RGS8: variants seen among roughly 807,000 people sequenced by gnomAD.
RGS8 encodes regulator of G protein signaling 8, also known as regulator of G-protein signaling 8.
Under a neutral mutation model 21.7 loss-of-function variants are expected in RGS8, and 8 were observed. The ratio of observed to expected loss-of-function variants is 0.37; its 90% confidence interval spans 0.22 to 0.66. The LOEUF (loss-of-function observed/expected upper bound fraction) is 0.66. Among genes scored for constraint, RGS8 ranks in the 30% least tolerant of loss-of-function variants. RGS8 has a pLI of 0.59. For missense variants in RGS8, 157 were observed against 217.9 expected (o/e 0.72, Z 1.76); for synonymous variants, 80 against 83.6 (o/e 0.96, Z 0.24).
intron 5 of RGS8, among the ~76,000 whole-genome samples, chr1:182,660,577 C>T (rs976913894): frequency 2.0e-5 from 3 of 151,324 alleles, no homozygotes; most frequent in African/African-American, 4.9e-5. Flanking sequence ...GTGGAACCCT[C>T]CTCCCTACAT....
chr1:182,659,400 G>A (rs995812784), intron 5 of RGS8, among the ~76,000 whole-genome samples: 4 of 152,202 alleles, frequency 2.6e-5, no homozygotes, highest in Admixed American at 2.6e-4. Context: ...TAATACAGGA[G>A]AAGTATTATA....
the RGS8 span, among the ~76,000 whole-genome samples, chr1:182,741,180 G>C: frequency 2.7e-5 from 4 of 147,686 alleles, no homozygotes; most frequent in Non-Finnish European, 4.5e-5. Context: ...GGCCGGGTGG[G>C]GGGCTGACCC....
the RGS8 span, among the ~76,000 whole-genome samples, chr1:182,721,822 G>A: frequency 1.8e-3 from 268 of 152,316 alleles, no homozygotes; most frequent in Non-Finnish European, 2.7e-3. Flanking sequence ...GAGAAATGAA[G>A]TTTGAAGCCT....
chr1:182,708,344 C>T, the RGS8 span, among the ~76,000 whole-genome samples: 3 of 152,182 alleles, frequency 2.0e-5, no homozygotes, highest in East Asian at 5.8e-4. Context: ...GGAAAGGAAG[C>T]CCCCGCTGGC....
chr1:182,669,283 C>A (rs1571342453), intron 3 of RGS8, among the ~76,000 whole-genome samples: 1 of 152,226 alleles, frequency 6.6e-6, no homozygotes, highest in South Asian at 2.1e-4. Context: ...TCATCTTTCT[C>A]CTTTCTACAG....
chr1:182,707,573 A>T, the RGS8 span, among the ~76,000 whole-genome samples: 7 of 152,206 alleles, frequency 4.6e-5, no homozygotes, highest in Admixed American at 4.6e-4. Context: ...TTGGGGCCAG[A>T]TGATCTTTAT....
the RGS8 span, among the ~76,000 whole-genome samples, chr1:182,712,285 C>G: frequency 6.6e-6 from 1 of 152,168 alleles, no homozygotes; most frequent in Non-Finnish European, 1.5e-5. Flanking sequence ...TAAAGCTTCT[C>G]AGGCATTCAG....
chr1:182,671,728 G>T (rs969602990), exon 2 of RGS8: 1 of 1,614,134 alleles, frequency 6.2e-7, no homozygotes, highest in Non-Finnish European at 8.5e-7. Context: ...GGGTTAAGGT[G>T]TTCTGGGGAA....
At chr1:182,683,591 T>C (rs1268451992) in intron 1 of RGS8, among the ~76,000 whole-genome samples, 1 of 125,926 alleles carries the variant, frequency 7.9e-6, no homozygotes, top group Non-Finnish European at 1.6e-5. Flanking sequence ...CACCATTCTA[T>C]CACAGAAAGA....
chr1:182,663,552 A>G (rs375380066), intron 5 of RGS8, among the ~76,000 whole-genome samples: 8 of 152,218 alleles, frequency 5.3e-5, no homozygotes, highest in African/African-American at 1.9e-4. Context: ...TTTAAGAAAC[A>G]GGGTCTCACT....
the RGS8 span, among the ~76,000 whole-genome samples, chr1:182,741,431 G>A: frequency 8.2e-5 from 11 of 134,876 alleles, no homozygotes; most frequent in African/African-American, 1.7e-4. Context: ...CCTCCCTCCC[G>A]GACAGGGCGG....
intron 1 of RGS8, among the ~76,000 whole-genome samples, chr1:182,679,841 C>G (rs1664484739): frequency 6.6e-6 from 1 of 152,132 alleles, no homozygotes; most frequent in Non-Finnish European, 1.5e-5. Flanking sequence ...ACCCCCTACA[C>G]ACACATATAA....
chr1:182,651,107 G>A (rs571697093), intron 5 of RGS8, among the ~76,000 whole-genome samples: 5 of 152,160 alleles, frequency 3.3e-5, no homozygotes, highest in Non-Finnish European at 7.3e-5. Flanking sequence ...ATAGAAACCC[G>A]AGATAAACTG....
At chr1:182,726,160 T>C in the RGS8 span, among the ~76,000 whole-genome samples, 2 of 151,878 alleles carry the variant, frequency 1.3e-5, no homozygotes, top group Non-Finnish European at 2.9e-5. Flanking sequence ...AAGAATTTCA[T>C]TTGTGCCTAT....
In RGS8 at chr1:182,681,126, C is replaced by A. The variant is rs185183268; in HGVS notation, n.221+3230G>T. Reference sequence around the variant, plus strand: ...GAGTCACAGGGAGAACATCAGAGTCCGAGAAGGCAGAAGCCCCACACCCAG... The same window carrying A: ...GAGTCACAGGGAGAACATCAGAGTCAGAGAAGGCAGAAGCCCCACACCCAG... On this transcript the variant is annotated intron_variant and non_coding_transcript_variant, in intron 1 of 4. Transcript: ENST00000515211. 2.9e-4 allele frequency among the ~76,000 whole-genome samples: 44 copies of A among 152,208 alleles called. 1 individual carries two copies. Among genetic ancestry groups the A allele is most frequent in the African/African-American group, 1.1e-3 (44 of 41,520 alleles).
the RGS8 span, among the ~76,000 whole-genome samples, chr1:182,744,877 T>C: frequency 2.3e-3 from 356 of 152,316 alleles, no homozygotes; most frequent in Admixed American, 3.5e-3. Context: ...AAGAAACCCA[T>C]ACCTGTGAGT....
intron 5 of RGS8, among the ~76,000 whole-genome samples, chr1:182,653,707 T>A (rs1337427845): frequency 6.6e-6 from 1 of 151,778 alleles, no homozygotes; most frequent in Non-Finnish European, 1.5e-5. Flanking sequence ...AATAAAAAAA[T>A]AAAAATAAAA....
At chr1:182,748,814 T>C in the RGS8 span, among the ~76,000 whole-genome samples, 1 of 152,342 alleles carries the variant, frequency 6.6e-6, no homozygotes, top group Non-Finnish European at 1.5e-5. Flanking sequence ...GGTGAAATGG[T>C]ATCTCATTGG....
chr1:182,643,143 T>G (rs1662539967), downstream of RGS8: 1 of 152,230 alleles, frequency 6.6e-6, no homozygotes. Context: ...TGCCCAGCAA[T>G]GCACTCAGCT....
Sources: gnomAD v4.1 joint callset for allele counts (sites outside exome capture counted in the v4.1 genomes callset) on GRCh38, gnomAD v4.1.1 for gene constraint, MANE v1.5 for transcripts, NCBI Gene and HGNC (gene_info 2026-07-23, HGNC 2026-07-21) for gene names.